HDAC9: variants seen among roughly 807,000 people sequenced by gnomAD.
The protein encoded by HDAC9 is histone deacetylase 9.
A neutral mutation model predicts 139.4 loss-of-function variants in HDAC9; 41 were observed. That is an observed-to-expected ratio of 0.29 (90% confidence interval 0.23 to 0.38). The LOEUF (loss-of-function observed/expected upper bound fraction) is 0.38. HDAC9 is among the 10% of genes least tolerant of loss of function. HDAC9 has a pLI of 1.00. For missense variants in HDAC9, 1,147 were observed against 1,297.0 expected (o/e 0.88, Z 1.78); for synonymous variants, 517 against 476.2 (o/e 1.09, Z -1.12).
intron 2 of HDAC9, among the ~76,000 whole-genome samples, chr7:18,557,241 T>G (rs1360485417): frequency 1.3e-5 from 2 of 152,014 alleles, no homozygotes; most frequent in African/African-American, 2.4e-5. Context: ...CATGTGATAT[T>G]GACTTAAAAT....
Position 18,766,819 on chromosome 7 carries a change from T to C in HDAC9, c.2165-287T>C, listed in dbSNP as rs17139884. Reference sequence around the variant, plus strand: ...TGGAGACCAACTTAGAAAAAAATCTTGTGACCCAAATCTCATGAGCATGTG... The same window carrying C: ...TGGAGACCAACTTAGAAAAAAATCTCGTGACCCAAATCTCATGAGCATGTG... On this transcript the variant is annotated intron_variant, in intron 15 of 25. Transcript: ENST00000686413. Among the ~76,000 whole-genome samples the C allele has an allele frequency of 9.6e-3, 1,462 of 152,270 alleles. 23 individuals carry two copies. Among genetic ancestry groups the C allele is most frequent in the African/African-American group, 0.034 (1,396 of 41,558 alleles).
At chr7:18,718,369 T>C (rs969066985) in intron 12 of HDAC9, among the ~76,000 whole-genome samples, 8 of 152,098 alleles carry the variant, frequency 5.3e-5, no homozygotes, top group Non-Finnish European at 8.8e-5. Context: ...GTAACTGGGA[T>C]TACAGGTGCA....
At position 18,635,097 on chromosome 7, in the gene HDAC9, A is replaced by T. The variant is rs1222851200; in HGVS notation, c.912+355A>T. Among the ~76,000 whole-genome samples the T allele has an allele frequency of 3.3e-5, 5 of 151,852 alleles. No homozygotes were observed. The South Asian group carries it at 1.0e-3, about 31-fold the overall frequency. ...GGGCTTGAAATGTAATCCTCAGTCA[A>T]ACATTCTTAGTGATCCTCCGTGCAC... On this transcript the variant is annotated intron_variant, in intron 8 of 25. Transcript: ENST00000686413.
At chr7:18,181,284 C>A (rs1324216065) in intron 2 of HDAC9, among the ~76,000 whole-genome samples, 8 of 152,148 alleles carry the variant, frequency 5.3e-5, no homozygotes, top group Non-Finnish European at 1.0e-4. Context: ...TATTTCATGC[C>A]TAATATGTGC....
At chr7:18,933,920 T>G (rs1045450901) in intron 22 of HDAC9, among the ~76,000 whole-genome samples, 29 of 152,094 alleles carry the variant, frequency 1.9e-4, no homozygotes, top group African/African-American at 6.5e-4. Flanking sequence ...ATTAGAGATG[T>G]CTGAAGAGGG....
chr7:18,324,221 T>A (rs1463612631), intron 1 of HDAC9, among the ~76,000 whole-genome samples: 1 of 152,140 alleles, frequency 6.6e-6, no homozygotes, highest in East Asian at 1.9e-4. Flanking sequence ...AGGCTTTCCC[T>A]GAGAGAGGAG....
intron 1 of HDAC9, among the ~76,000 whole-genome samples, chr7:18,467,741 G>T (rs111387988): frequency 2.6e-5 from 4 of 152,066 alleles, no homozygotes; most frequent in Non-Finnish European, 5.9e-5. Context: ...GAGAACCCAC[G>T]TTGGCACATT....
At position 18,772,053 on chromosome 7, in the gene HDAC9, A is replaced by G. The variant is rs118028605; in HGVS notation, c.2214+4898A>G. Among the ~76,000 whole-genome samples the G allele has an allele frequency of 2.8e-4, 43 of 152,280 alleles. 1 individual carries two copies. The East Asian group carries it at 6.8e-3, about 24-fold the overall frequency. ...AATCTCAATTGCTCACAGCCTAGCC[A>G]TTGGGCTGGTTCAGAAAAATGCTAA... is the stretch of plus-strand genomic sequence containing the variant. On this transcript the variant is annotated intron_variant, in intron 16 of 25. Transcript: ENST00000686413.
intron 22 of HDAC9, among the ~76,000 whole-genome samples, chr7:18,890,759 G>C (rs1438178835): frequency 1.3e-5 from 2 of 152,166 alleles, no homozygotes; most frequent in African/African-American, 4.8e-5. Context: ...TAACATAGAA[G>C]TATTAATATT....
At chr7:18,434,123 C>A (rs1295757566) in intron 1 of HDAC9, among the ~76,000 whole-genome samples, 1 of 152,138 alleles carries the variant, frequency 6.6e-6, no homozygotes, top group African/African-American at 2.4e-5. Flanking sequence ...CACCTACAAC[C>A]AACTGATCTT....
At chr7:18,600,375 G>A (rs1221045432) in intron 6 of HDAC9, among the ~76,000 whole-genome samples, 7 of 152,040 alleles carry the variant, frequency 4.6e-5, no homozygotes, top group East Asian at 1.9e-4. Flanking sequence ...CAAACCCAGC[G>A]TTAACTAGAT....
chr7:18,696,207 C>T lies in HDAC9; in HGVS notation c.1731+29731C>T, dbSNP rs762810142. On this transcript the variant is annotated intron_variant, in intron 12 of 25. Transcript: ENST00000686413. The stretch of plus-strand genomic sequence containing the variant: ...TGGTGGCTTCTTTAAACCAAATAGA[C>T]GTTTAATTCAAACTAATCACTGAAA... 1.1e-3 allele frequency among the ~76,000 whole-genome samples: 172 copies of T among 151,724 alleles called. 3 individuals are homozygous for T. The highest frequency in any genetic ancestry group is 1.7e-3 in the Non-Finnish European group (115 of 67,896).
chr7:18,333,775 G>C (rs1781383759), intron 1 of HDAC9, among the ~76,000 whole-genome samples: 1 of 151,384 alleles, frequency 6.6e-6, no homozygotes, highest in African/African-American at 2.4e-5. Flanking sequence ...AATGAGGTAT[G>C]ATAAAATATA....
intron 22 of HDAC9, among the ~76,000 whole-genome samples, chr7:18,932,419 A>G (rs1167008872): frequency 6.6e-6 from 1 of 152,192 alleles, no homozygotes; most frequent in East Asian, 1.9e-4. Flanking sequence ...ATGCTGAATT[A>G]AATATTAAAA....
intron 17 of HDAC9, among the ~76,000 whole-genome samples, chr7:18,819,020 C>A (rs969556917): frequency 2.6e-5 from 4 of 152,088 alleles, no homozygotes; most frequent in African/African-American, 9.7e-5. Flanking sequence ...TGGCTCATGC[C>A]TGTAATGCCA....
At chr7:18,242,562 G>T (rs1794256015) in intron 2 of HDAC9, among the ~76,000 whole-genome samples, 1 of 152,082 alleles carries the variant, frequency 6.6e-6, no homozygotes, top group South Asian at 2.1e-4. Context: ...TATATTTATA[G>T]CATTATAGCA....
rs189121237 is a variant in HDAC9 at position 18,530,313 on chromosome 7, C to G, written c.22+33989C>G. Reference sequence around the variant, plus strand: ...AATTATAAAATAATGTATGTTCTATCTGAAAACAATGTCGTTAACACTTTA... The same window carrying G: ...AATTATAAAATAATGTATGTTCTATGTGAAAACAATGTCGTTAACACTTTA... On this transcript the variant is annotated intron_variant, in intron 2 of 25. Transcript: ENST00000686413. 3.9e-5 allele frequency among the ~76,000 whole-genome samples: 6 copies of G among 152,184 alleles called. No homozygotes were observed. In the East Asian group the frequency reaches 9.7e-4, roughly 25 times the overall value.
At position 18,940,773 on chromosome 7, in the gene HDAC9, C is replaced by T. The variant is rs987902491; in HGVS notation, c.2937+4831C>T. 8.5e-5 allele frequency among the ~76,000 whole-genome samples: 13 copies of T among 152,134 alleles called. 1 individual carries two copies. Among genetic ancestry groups the T allele is most frequent in the African/African-American group, 3.1e-4 (13 of 41,444 alleles). On this transcript the variant is annotated intron_variant, in intron 23 of 25. Coordinates refer to ENST00000686413, the MANE Select transcript of HDAC9 (RefSeq NM_178425.4). ...ACTGTTATGCAAAGCCAATTAGTGG[C>T]ACCCCGGGTTACTTCCTCTGAAAGA...
At chr7:18,545,836 A>G (rs1814616938) in intron 2 of HDAC9, among the ~76,000 whole-genome samples, 2 of 152,202 alleles carry the variant, frequency 1.3e-5, no homozygotes, top group Admixed American at 6.5e-5. Flanking sequence ...TTCACTATGC[A>G]CTACAACATC....
Sources: gnomAD v4.1 joint callset for allele counts (sites outside exome capture counted in the v4.1 genomes callset) on GRCh38, gnomAD v4.1.1 for gene constraint, MANE v1.5 for transcripts, NCBI Gene and HGNC (gene_info 2026-07-23, HGNC 2026-07-21) for gene names.